NMNAT3: variants seen among roughly 807,000 people sequenced by gnomAD.
NMNAT3 encodes the protein nicotinamide/nicotinic acid mononucleotide adenylyltransferase 3.
NMNAT3 carries 21 observed loss-of-function variants against 24.8 expected under a neutral mutation model. The observed-to-expected ratio is 0.85, with a 90% confidence interval of 0.60 to 1.22. The LOEUF (loss-of-function observed/expected upper bound fraction) is 1.22. Ranked by LOEUF, NMNAT3 falls within the 50% of genes most tolerant of loss-of-function variation. The probability of loss-of-function intolerance (pLI) is 0.00; values close to 1 mark genes in which losing one functional copy is unlikely to be tolerated. For synonymous variants in NMNAT3, 136 were observed against 155.2 expected (o/e 0.88, Z 0.92); for missense variants, 387 against 436.6 (o/e 0.89, Z 1.01).
intron 6 of NMNAT3, chr3:139,566,652 T>C (rs1937274599): frequency 6.6e-6 from 1 of 152,226 alleles, no homozygotes; most frequent in Non-Finnish European, 1.5e-5. Flanking sequence ...TTCTCAGGTT[T>C]GTCAAAGATC....
chr3:139,574,690 C>T (rs984049809), intron 5 of NMNAT3, among the ~76,000 whole-genome samples: 8 of 152,064 alleles, frequency 5.3e-5, no homozygotes, highest in African/African-American at 1.9e-4. Context: ...GCTGAATGAC[C>T]CTGACACCCT....
In NMNAT3 at chr3:139,627,602, G is replaced by A; in HGVS notation, c.109+14C>T. The A allele has an allele frequency of 6.6e-7, 1 of 1,513,232 alleles. No individual in the cohort carries two copies. Among genetic ancestry groups the A allele is most frequent in the Non-Finnish European group, 8.9e-7 (1 of 1,121,246 alleles). The allele number at this position is 1,513,232 out of a possible 1,614,324, so 93.7% of individuals were successfully genotyped here. On this transcript the variant is annotated intron_variant, in intron 3 of 6. Transcript: ENST00000643695. Reference sequence around the variant, plus strand: ...CACCAGTTCTTCTGTTGGACTCAGGGCCCCCTGACTGACCTGTTTGGTGTA... The same window carrying A: ...CACCAGTTCTTCTGTTGGACTCAGGACCCCCTGACTGACCTGTTTGGTGTA...
chr3:139,598,602 C>A (rs192712438), intron 3 of NMNAT3, among the ~76,000 whole-genome samples: 1 of 152,278 alleles, frequency 6.6e-6, no homozygotes, highest in Admixed American at 6.5e-5. Flanking sequence ...CAAGACTTCT[C>A]AGCTGAGTCC....
intron 1 of NMNAT3, among the ~76,000 whole-genome samples, chr3:139,649,350 A>C (rs201769869): frequency 2.6e-5 from 3 of 114,136 alleles, no homozygotes; most frequent in Admixed American, 1.8e-4. Context: ...AACAAACAAA[A>C]AAACTGGCTT....
At chr3:139,593,022 G>A (rs1418427479) in intron 3 of NMNAT3, among the ~76,000 whole-genome samples, 2 of 152,060 alleles carry the variant, frequency 1.3e-5, no homozygotes, top group East Asian at 3.8e-4. Context: ...GACACAGACT[G>A]GCAAATTGGA....
At chr3:139,665,091 C>G (rs964438543) in intron 1 of NMNAT3, among the ~76,000 whole-genome samples, 1 of 152,144 alleles carries the variant, frequency 6.6e-6, no homozygotes, top group Admixed American at 6.6e-5. Context: ...TATTTTTGAA[C>G]AGGACAAGCT....
intron 1 of NMNAT3, among the ~76,000 whole-genome samples, chr3:139,671,190 ATG>A (rs2057744787): frequency 6.6e-6 from 1 of 152,214 alleles, no homozygotes; most frequent in Non-Finnish European, 1.5e-5. Flanking sequence ...CCTTTTTCAT[ATG>A]TAACTCTTGT....
Position 139,627,654 on chromosome 3 carries a change from C to T in NMNAT3, c.71G>A (p.Arg24His), listed in dbSNP as rs770061371. 3.1e-5 allele frequency: 49 copies of T among 1,594,982 alleles called. No homozygotes were observed. The highest frequency in any genetic ancestry group is 1.6e-4 in the Middle Eastern group (1 of 6,068). The change falls in exon 3 of 7, where the codon CGC (arginine) becomes CAC (histidine). Residue 24 changes from arginine to histidine, a missense_variant. Physicochemically the swap from Arg to His is conservative, Grantham distance 29. Around this residue, in one of 3 missense-constraint regions of NMNAT3, gnomAD observed 51 missense variants for 55.6 expected, o/e 0.92. Transcript: ENST00000643695. ...GTGATCTCTGGCCACCTCAAACATGCGCAGGTGCATGTTGGTGATGGGGTT... is the reference window on the plus strand; with the variant it reads ...GTGATCTCTGGCCACCTCAAACATGTGCAGGTGCATGTTGGTGATGGGGTT...
intron 3 of NMNAT3, among the ~76,000 whole-genome samples, chr3:139,601,796 A>G (rs900225100): frequency 2.0e-5 from 3 of 152,306 alleles, no homozygotes; most frequent in Admixed American, 2.0e-4. Context: ...CAGGAGCCCG[A>G]AAGAAGCTCT....
intron 3 of NMNAT3, among the ~76,000 whole-genome samples, chr3:139,594,384 C>T (rs926993827): frequency 2.0e-5 from 3 of 152,164 alleles, no homozygotes; most frequent in African/African-American, 7.2e-5. Context: ...ACCAGAGGTA[C>T]AAGGAGGAAC....
intron 3 of NMNAT3, among the ~76,000 whole-genome samples, chr3:139,620,303 G>T (rs551811077): frequency 2.2e-4 from 33 of 150,538 alleles, no homozygotes; most frequent in Non-Finnish European, 4.6e-4. Flanking sequence ...TTTGACATAC[G>T]TATATACCCC....
intron 3 of NMNAT3, among the ~76,000 whole-genome samples, chr3:139,622,190 A>G (rs1339174588): frequency 1.3e-5 from 2 of 152,150 alleles, no homozygotes; most frequent in African/African-American, 4.8e-5. Context: ...TCTAGTTTAC[A>G]TTCTCACCAA....
At chr3:139,571,400 C>T (rs949336393) in intron 6 of NMNAT3, 11 of 152,872 alleles carry the variant, frequency 7.2e-5, no homozygotes, top group African/African-American at 2.7e-4. Flanking sequence ...AACCTGGTAC[C>T]TCAGTTGGAA....
intron 3 of NMNAT3, among the ~76,000 whole-genome samples, chr3:139,626,960 A>G (rs928175531): frequency 2.0e-5 from 3 of 152,220 alleles, no homozygotes; most frequent in Non-Finnish European, 2.9e-5. Context: ...AAATAATTTC[A>G]TATATACTCG....
intron 4 of NMNAT3, among the ~76,000 whole-genome samples, chr3:139,581,304 T>C (rs1267594474): frequency 6.6e-4 from 2 of 3,036 alleles, no homozygotes; most frequent in African/African-American, 6.7e-4. Flanking sequence ...TATTAGATGA[T>C]ATGTAATTTT....
intron 1 of NMNAT3, among the ~76,000 whole-genome samples, chr3:139,656,907 C>G (rs1297889420): frequency 6.6e-6 from 1 of 152,200 alleles, no homozygotes; most frequent in East Asian, 1.9e-4. Context: ...CATAACAAAT[C>G]ACTAGTAACT....
chr3:139,612,061 GGAGGCT>G (rs2055243843), intron 3 of NMNAT3, among the ~76,000 whole-genome samples: 1 of 152,046 alleles, frequency 6.6e-6, no homozygotes, highest in Non-Finnish European at 1.5e-5. Context: ...CATCTACTTG[GGAGGCT>G]GAGGCAGGAG....
chr3:139,581,951 T>A (rs1174886341), intron 4 of NMNAT3, among the ~76,000 whole-genome samples: 2 of 151,936 alleles, frequency 1.3e-5, no homozygotes, highest in South Asian at 4.2e-4. Flanking sequence ...TCCCAGCACT[T>A]TGGGAGGCCG....
At chr3:139,614,083 A>G (rs1258360188) in intron 3 of NMNAT3, among the ~76,000 whole-genome samples, 1 of 152,082 alleles carries the variant, frequency 6.6e-6, no homozygotes, top group East Asian at 1.9e-4. Flanking sequence ...ACATGTATAC[A>G]TATGTAACTA....
Sources: gnomAD v4.1 joint callset for allele counts (sites outside exome capture counted in the v4.1 genomes callset) on GRCh38, gnomAD v4.1.1 for gene constraint, gnomAD v4.1.1 regional missense constraint, MANE v1.5 for transcripts, NCBI Gene and HGNC (gene_info 2026-07-23, HGNC 2026-07-21) for gene names.